The following SHROOM3 variants were observed in gnomAD, a reference collection of about 807,000 sequenced individuals.
SHROOM3 encodes the protein shroom family member 3.
Under a neutral mutation model 138.6 loss-of-function variants are expected in SHROOM3, and 47 were observed. The observed-to-expected ratio is 0.34, with a 90% CI of 0.27 to 0.43. The LOEUF is 0.43. Among genes scored for constraint, SHROOM3 ranks in the 20% least tolerant of loss-of-function variants. The pLI, the probability that SHROOM3 is intolerant of heterozygous loss-of-function variation, is 1.00. For missense variants in SHROOM3, 2,491 were observed against 2,596.5 expected (o/e 0.96, Z 0.88); for synonymous variants, 1,062 against 1,063.3 (o/e 1.00, Z 0.02).
In SHROOM3 at chr4:76,739,117, G is replaced by C. The variant is rs765691133; in HGVS notation, c.944G>C (p.Arg315Thr). Reference protein sequence around the residue: ...RYVKTVYDTRRGVSAEYEVNS... With the variant: ...RYVKTVYDTRTGVSAEYEVNS... ...GTCAAGACAGTCTATGACACCCGGAGGGGAGTCTCAGCAGAGTATGAGGTG... is the reference window on the plus strand; with the variant it reads ...GTCAAGACAGTCTATGACACCCGGACGGGAGTCTCAGCAGAGTATGAGGTG... Residue 315 changes from arginine (R) to threonine (T), a missense_variant, in exon 5 of 11, where the codon AGG becomes ACG. Around this residue, in one of 4 missense-constraint regions of SHROOM3, gnomAD observed 1,733 missense variants for 1,661.6 expected, o/e 1.04. Coordinates refer to ENST00000296043, the MANE Select transcript of SHROOM3 (RefSeq NM_020859.4). 2.5e-6 allele frequency: 4 copies of C among 1,614,236 alleles called. No individual in the cohort carries two copies. Among genetic ancestry groups the C allele is most frequent in the Non-Finnish European group, 3.4e-6 (4 of 1,180,044 alleles).
At chr4:76,682,140 G>C (rs891748529) in intron 2 of SHROOM3, among the ~76,000 whole-genome samples, 8 of 152,166 alleles carry the variant, frequency 5.3e-5, no homozygotes, top group African/African-American at 1.9e-4. Flanking sequence ...TCGGGCACAT[G>C]CATTCCTTTG....
chr4:76,743,163 G>A (rs1383722918), intron 5 of SHROOM3, among the ~76,000 whole-genome samples: 1 of 152,130 alleles, frequency 6.6e-6, no homozygotes, highest in Non-Finnish European at 1.5e-5. Flanking sequence ...GTAAAAGATG[G>A]GCATGATGAC....
In SHROOM3 at chr4:76,480,462, A is replaced by G. The variant is rs140368575; in HGVS notation, c.168+44242A>G. On this transcript the variant is annotated intron_variant, in intron 1 of 10. Coordinates refer to ENST00000296043, the MANE Select transcript of SHROOM3 (RefSeq NM_020859.4). ...ACTATCCTAAATACATATGCACCCAATACAGGAGCACCCAGATTCATAAAG... is the reference window on the plus strand; with the variant it reads ...ACTATCCTAAATACATATGCACCCAGTACAGGAGCACCCAGATTCATAAAG... 3.7e-3 allele frequency among the ~76,000 whole-genome samples: 571 copies of G among 152,348 alleles called. 4 individuals carry two copies. The highest frequency in any genetic ancestry group is 0.013 in the African/African-American group (549 of 41,588).
intron 1 of SHROOM3, among the ~76,000 whole-genome samples, chr4:76,544,472 A>G (rs1484308262): frequency 1.6e-5 from 2 of 125,636 alleles, no homozygotes; most frequent in South Asian, 2.6e-4. Flanking sequence ...GCTGGGGTAT[A>G]GTGGCACAAT....
chr4:76,516,806 CA>C, intron 1 of SHROOM3, among the ~76,000 whole-genome samples: 1 of 152,138 alleles, frequency 6.6e-6, no homozygotes, highest in Non-Finnish European at 1.5e-5. Flanking sequence ...AATCCCACCC[CA>C]AGTCTCATGA....
At chr4:76,717,614 C>T (rs967828478) in intron 3 of SHROOM3, among the ~76,000 whole-genome samples, 1 of 151,820 alleles carries the variant, frequency 6.6e-6, no homozygotes, top group African/African-American at 2.4e-5. Flanking sequence ...TTTCCTTGGC[C>T]CTGTCCAGCA....
chr4:76,589,081 G>A (rs1405986536), intron 2 of SHROOM3, among the ~76,000 whole-genome samples: 1 of 152,252 alleles, frequency 6.6e-6, no homozygotes, highest in African/African-American at 2.4e-5. Flanking sequence ...AGAGCGGTAT[G>A]GGTGGCATAT....
At chr4:76,723,410 C>G (rs532906328) in intron 3 of SHROOM3, among the ~76,000 whole-genome samples, 1 of 152,244 alleles carries the variant, frequency 6.6e-6, no homozygotes, top group African/African-American at 2.4e-5. Flanking sequence ...CTTCTCCTAG[C>G]TCTTTGCATG....
chr4:76,528,666 C>T (rs1158515158), intron 1 of SHROOM3, among the ~76,000 whole-genome samples: 2 of 150,982 alleles, frequency 1.3e-5, no homozygotes, highest in Non-Finnish European at 2.9e-5. Context: ...GATTCTCCTG[C>T]CTCAGTCTCC....
At chr4:76,470,010 T>C (rs989132812) in intron 1 of SHROOM3, among the ~76,000 whole-genome samples, 3 of 152,164 alleles carry the variant, frequency 2.0e-5, no homozygotes, top group Non-Finnish European at 4.4e-5. Flanking sequence ...CACAGACAGA[T>C]TTAAACAATT....
chr4:76,497,951 T>C (rs1732004050), intron 1 of SHROOM3, among the ~76,000 whole-genome samples: 1 of 152,168 alleles, frequency 6.6e-6, no homozygotes, highest in African/African-American at 2.4e-5. Flanking sequence ...ACCCAAAGTG[T>C]ATCGAGCCCC....
intron 2 of SHROOM3, among the ~76,000 whole-genome samples, chr4:76,690,708 T>A (rs1994857): frequency 0.15 from 23,506 of 152,146 alleles, 2,119 homozygotes; most frequent in East Asian, 0.34. Context: ...TTTTTCTGAT[T>A]ATAAAAATAT....
intron 1 of SHROOM3, among the ~76,000 whole-genome samples, chr4:76,548,407 AC>A (rs1733272907): frequency 6.6e-6 from 1 of 152,118 alleles, no homozygotes; most frequent in Non-Finnish European, 1.5e-5. Flanking sequence ...CAGCAGCTCC[AC>A]CCTTTCTCAC....
chr4:76,472,290 G>T (rs540034818), intron 1 of SHROOM3, among the ~76,000 whole-genome samples: 1 of 152,314 alleles, frequency 6.6e-6, no homozygotes, highest in Non-Finnish European at 1.5e-5. Context: ...ATGTAGAGAA[G>T]TTGCTGTTAG....
chr4:76,735,323 C>T (rs978538168), intron 4 of SHROOM3, among the ~76,000 whole-genome samples: 7 of 152,028 alleles, frequency 4.6e-5, no homozygotes, highest in Non-Finnish European at 1.0e-4. Context: ...AAGAACTTGT[C>T]CTAGTGAGTG....
Position 76,741,601 on chromosome 4 carries a change from G to T in SHROOM3, c.3428G>T (p.Arg1143Leu), listed in dbSNP as rs764607408. The T allele has an allele frequency of 3.9e-6, 6 of 1,539,842 alleles. No individual in the cohort carries two copies. The South Asian group carries it at 7.1e-5, about 18-fold the overall frequency. Residue 1143 changes from arginine (R) to leucine (L), a missense_variant, in exon 5 of 11, where the codon CGG (arginine) becomes CTG (leucine). Physicochemically the swap from Arg to Leu is moderately radical, Grantham distance 102 (BLOSUM62 -2). Around this residue, in one of 4 missense-constraint regions of SHROOM3, gnomAD observed 1,733 missense variants for 1,661.6 expected, o/e 1.04. Coordinates refer to ENST00000296043, the MANE Select transcript of SHROOM3 (RefSeq NM_020859.4). This position sits in a 1 kb window ranked among gnomAD's most constrained non-coding sequence, Gnocchi z 6.2. The part of the protein sequence containing the change: ...LASASSLSSL[R>L]EPSLQPRREA... The stretch of plus-strand genomic sequence containing the variant: ...TCGGCCTCCAGCTTGAGCTCACTGC[G>T]GGAGCCCAGCCTGCAGCCCCGCAGG...
In SHROOM3 at chr4:76,738,800, T is replaced by C. The variant is rs1488229251; in HGVS notation, c.627T>C (p.Tyr209=). Residue 209 remains tyrosine (Y), a synonymous_variant, in exon 5 of 11, where the codon TAT becomes TAC. Transcript: ENST00000296043. ...TSDLSNYDHA[Y]LRRSPDQCSS... ...ACCTCTCCAACTATGACCATGCTTA[T>C]CTAAGGCGGAGCCCTGACCAGTGCA... 1.2e-6 allele frequency: 2 copies of C among 1,614,120 alleles called. No homozygotes were observed. The highest frequency in any genetic ancestry group is 1.3e-5 in the African/African-American group (1 of 74,944).
At chr4:76,438,179 C>T (rs1168139123) in intron 1 of SHROOM3, among the ~76,000 whole-genome samples, 2 of 152,160 alleles carry the variant, frequency 1.3e-5, no homozygotes, top group East Asian at 1.9e-4. Flanking sequence ...TCTGACATAA[C>T]AGTCTGAGCA....
chr4:76,740,043 G>A lies in SHROOM3; in HGVS notation c.1870G>A (p.Glu624Lys). 1 of 1,613,834 alleles carries A rather than the reference G, an allele frequency of 6.2e-7. No individual in the cohort carries two copies. The highest frequency in any genetic ancestry group is 8.5e-7 in the Non-Finnish European group (1 of 1,180,020). The change falls in exon 5 of 11, where the codon GAG becomes AAG. Residue 624 changes from glutamate (E) to lysine (K), a missense_variant. Transcript: ENST00000296043. This position sits in a 1 kb window ranked among gnomAD's most constrained non-coding sequence, Gnocchi z 4.0. ...AGACAAGAGATCTTCCAGGCTCTCA[G>A]AGCCCTGGGAGGGCGATTTCCAGGA... ...GEDKRSSRLS[E>K]PWEGDFQEDH...
Sources: allele counts gnomAD v4.1 joint callset (sites outside exome capture counted in the v4.1 genomes callset), GRCh38; gene constraint gnomAD v4.1.1; regional missense constraint gnomAD v4.1.1; non-coding constraint Gnocchi (gnomAD v3.1); transcripts MANE v1.5; gene names NCBI Gene and HGNC (gene_info 2026-07-23, HGNC 2026-07-21).